Variants in SCARA5 observed in about 807,000 individuals in gnomAD.
The protein encoded by SCARA5 is scavenger receptor class A member 5, also known as scavenger receptor class A, member 5 (putative).
A neutral mutation model predicts 46.3 loss-of-function variants in SCARA5; 45 were observed. The ratio of observed to expected loss-of-function variants is 0.97; its 90% CI spans 0.76 to 1.24. The LOEUF is 1.24. Ranked by LOEUF, SCARA5 falls within the 50% of genes most tolerant of loss-of-function variation. The pLI, the probability that SCARA5 is intolerant of heterozygous loss-of-function variation, is 0.00. For synonymous variants in SCARA5, 333 were observed against 306.5 expected (o/e 1.09, Z -0.90); for missense variants, 680 against 689.0 (o/e 0.99, Z 0.15).
At position 27,909,753 on chromosome 8, in the gene SCARA5, C is replaced by CA. The variant is rs1335730354; in HGVS notation, c.917-11dup. 1.3e-6 allele frequency: 2 copies of CA among 1,544,984 alleles called. No individual in the cohort carries two copies. The highest frequency in any genetic ancestry group is 8.8e-7 in the Non-Finnish European group (1 of 1,141,558). On this transcript the variant is annotated splice_polypyrimidine_tract_variant and intron_variant, in intron 4 of 8. Transcript: ENST00000354914. Reference sequence around the variant, plus strand: ...TTGGGTCCCGGTGGCCCTGGAAAGGCAAAAACAGCACTGAGGTTAGGGGGC... The same window carrying CA: ...TTGGGTCCCGGTGGCCCTGGAAAGGCAAAAAACAGCACTGAGGTTAGGGGGC...
chr8:27,967,730 T>C (rs544048440), intron 2 of SCARA5, among the ~76,000 whole-genome samples: 13 of 152,240 alleles, frequency 8.5e-5, no homozygotes, highest in African/African-American at 3.1e-4. Context: ...CTGGCCAATA[T>C]GGTGAAACCC....
At position 27,952,170 on chromosome 8, in the gene SCARA5, C is replaced by A. The variant is rs192783494; in HGVS notation, c.241+14244G>T. ...CAGATTTTAGCAATGAGCCTACAAG[C>A]CAAGAAACAAAGGGGTGGCTGGCAC... On this transcript the variant is annotated intron_variant, in intron 3 of 8. Transcript: ENST00000354914. 3.9e-5 allele frequency among the ~76,000 whole-genome samples: 6 copies of A among 152,052 alleles called. No individual in the cohort carries two copies. The East Asian group carries it at 1.2e-3, about 29-fold the overall frequency.
chr8:27,901,801 T>C (rs1373981480), intron 7 of SCARA5, among the ~76,000 whole-genome samples: 2 of 152,142 alleles, frequency 1.3e-5, no homozygotes, highest in Non-Finnish European at 2.9e-5. Flanking sequence ...TACTTGGGGT[T>C]TTAAGGAGCC....
intron 7 of SCARA5, among the ~76,000 whole-genome samples, chr8:27,884,118 C>T (rs1181726341): frequency 6.6e-6 from 1 of 152,168 alleles, no homozygotes; most frequent in Non-Finnish European, 1.5e-5. Flanking sequence ...AGGAATGATG[C>T]TAAAGACTAC....
chr8:27,901,704 G>C (rs954306992), intron 7 of SCARA5, among the ~76,000 whole-genome samples: 8 of 152,194 alleles, frequency 5.3e-5, no homozygotes, highest in Admixed American at 5.2e-4. Context: ...GACAGGCACA[G>C]ACCTCAGCCC....
chr8:27,924,316 A>C (rs984019614), intron 3 of SCARA5, among the ~76,000 whole-genome samples: 1 of 152,246 alleles, frequency 6.6e-6, no homozygotes, highest in African/African-American at 2.4e-5. Flanking sequence ...AGATGGAATA[A>C]GTTCTCATCC....
chr8:27,965,001 T>C (rs1347733344), intron 3 of SCARA5, among the ~76,000 whole-genome samples: 4 of 152,052 alleles, frequency 2.6e-5, no homozygotes, highest in Admixed American at 6.6e-5. Flanking sequence ...CCCGAGAACA[T>C]GTTCAAATCC....
intron 2 of SCARA5, among the ~76,000 whole-genome samples, chr8:27,976,040 A>T (rs940953720): frequency 6.6e-6 from 1 of 152,302 alleles, no homozygotes; most frequent in East Asian, 1.9e-4. Context: ...TACTCTGCAT[A>T]AAAATTCTTG....
chr8:27,909,269 T>C (rs74861660), intron 5 of SCARA5, among the ~76,000 whole-genome samples: 17,345 of 152,008 alleles, frequency 0.11, 1,352 homozygotes, highest in Middle Eastern at 0.2. Context: ...GCAGGAGTCA[T>C]GGTGGGGCGG....
intron 3 of SCARA5, among the ~76,000 whole-genome samples, chr8:27,926,901 C>T (rs1432259063): frequency 6.6e-6 from 1 of 152,180 alleles, no homozygotes; most frequent in African/African-American, 2.4e-5. Context: ...AGTCTCTTCT[C>T]ATGATGTCCC....
intron 3 of SCARA5, among the ~76,000 whole-genome samples, chr8:27,922,743 C>A (rs1300900940): frequency 6.6e-6 from 1 of 152,058 alleles, no homozygotes; most frequent in Non-Finnish European, 1.5e-5. Flanking sequence ...TCTGAATAAG[C>A]CCCCCAAAAT....
In SCARA5 at chr8:27,891,545, A is replaced by G. The variant is rs542394196; in HGVS notation, c.1154-11779T>C. 2.0e-5 allele frequency among the ~76,000 whole-genome samples: 3 copies of G among 152,258 alleles called. No homozygotes were observed. In the East Asian group the frequency reaches 5.8e-4, roughly 29 times the overall value. On this transcript the variant is annotated intron_variant, in intron 7 of 8. Coordinates refer to ENST00000354914, the MANE Select transcript of SCARA5 (RefSeq NM_173833.6). Reference sequence around the variant, plus strand: ...AATAGCTCAAGATTCCGCTCCTAGGATGATCTGGACCCCCTTAAAGTGCCT... The same window carrying G: ...AATAGCTCAAGATTCCGCTCCTAGGGTGATCTGGACCCCCTTAAAGTGCCT...
rs552101774 is a variant in SCARA5 at position 27,936,644 on chromosome 8, T to C, written c.242-14399A>G. Among the ~76,000 whole-genome samples, 44 of 132,148 alleles carry C rather than the reference T, an allele frequency of 3.3e-4. No homozygotes were observed. The South Asian group carries it at 0.011, about 33-fold the overall frequency. 86.7% of individuals were successfully genotyped at this position (132,148 alleles called of 152,430 possible). A position where few individuals can be genotyped will look rare whatever the true frequency, so the allele number is the denominator to read the frequency against. ...ATGCTTCACCCACTGGAATGGTGGA[T>C]TGGCTGCAACCCAGATGCCCATCAT... On this transcript the variant is annotated intron_variant, in intron 3 of 8. Transcript: ENST00000354914.
chr8:27,905,538 A>AGGGGCGG (rs1563519490), intron 6 of SCARA5, among the ~76,000 whole-genome samples: 1 of 36,564 alleles, frequency 2.7e-5, no homozygotes, highest in Non-Finnish European at 9.1e-5. Flanking sequence ...GGGGGAAAAA[A>AGGGGCGG]AAAAGGCAGC....
At chr8:27,909,637 G>A in intron 5 of SCARA5, 26 bp downstream of exon 5, 1 of 1,484,142 alleles carries the variant, frequency 6.7e-7, no homozygotes, top group Non-Finnish European at 9.2e-7. Context: ...TCTCTCCCAG[G>A]TACCACCCAG....
In SCARA5 at chr8:27,968,057, C is replaced by T. The variant is rs117980192; in HGVS notation, c.113-1515G>A. On this transcript the variant is annotated intron_variant, in intron 2 of 8. Coordinates refer to ENST00000354914, the MANE Select transcript of SCARA5 (RefSeq NM_173833.6). ...CATGTTTGCAATTCCTTCATAGGTT[C>T]CCATTTGCAAGGATACCTCAAAGGT... 3.6e-3 allele frequency among the ~76,000 whole-genome samples: 555 copies of T among 152,282 alleles called. 2 individuals carry two copies. Among genetic ancestry groups the T allele is most frequent in the Non-Finnish European group, 5.7e-3 (385 of 68,026 alleles).
chr8:27,983,595 C>T (rs546500476), intron 2 of SCARA5, among the ~76,000 whole-genome samples: 80 of 152,290 alleles, frequency 5.3e-4, no homozygotes, highest in Admixed American at 1.6e-3. Context: ...CATCATTTAC[C>T]AACAATCACA....
chr8:27,931,959 A>G (rs982352850), intron 3 of SCARA5, among the ~76,000 whole-genome samples: 4 of 144,438 alleles, frequency 2.8e-5, no homozygotes, highest in Admixed American at 7.3e-5. Context: ...CGGCCAAAGA[A>G]CCGTGCATTT....
At chr8:27,880,930 G>A (rs1183431710) in intron 7 of SCARA5, among the ~76,000 whole-genome samples, 1 of 149,634 alleles carries the variant, frequency 6.7e-6, no homozygotes, top group Non-Finnish European at 1.5e-5. Flanking sequence ...CAAACAGCCA[G>A]CAAACATGAA....
Sources: gnomAD v4.1 joint callset for allele counts (sites outside exome capture counted in the v4.1 genomes callset) on GRCh38, gnomAD v4.1.1 for gene constraint, MANE v1.5 for transcripts, NCBI Gene and HGNC (gene_info 2026-07-23, HGNC 2026-07-21) for gene names.